Variants in LSAMP observed in about 807,000 individuals in gnomAD.
LSAMP encodes the protein limbic system-associated membrane protein.
In LSAMP, 7 loss-of-function variants were observed where a neutral mutation model predicts 38.6. The ratio of observed to expected loss-of-function variants is 0.18; its 90% CI spans 0.10 to 0.34. The LOEUF (loss-of-function observed/expected upper bound fraction) is 0.34. Ranked by LOEUF, LSAMP falls within the 10% of genes least tolerant of loss-of-function variation. The probability of loss-of-function intolerance (pLI) is 1.00; values close to 1 mark genes in which losing one functional copy is unlikely to be tolerated. For missense variants in LSAMP, 313 were observed against 420.0 expected (o/e 0.75, Z 2.23); for synonymous variants, 154 against 166.8 (o/e 0.92, Z 0.59).
chr3:116,263,265 C>A (rs1009700724), intron 1 of LSAMP, among the ~76,000 whole-genome samples: 2 of 152,124 alleles, frequency 1.3e-5, no homozygotes, highest in Non-Finnish European at 2.9e-5. Context: ...GGGCTGGGTG[C>A]GGTGGCTCAT....
intron 3 of LSAMP, among the ~76,000 whole-genome samples, chr3:115,854,311 C>G (rs1935437525): frequency 8.1e-6 from 1 of 124,110 alleles, no homozygotes; most frequent in Non-Finnish European, 1.6e-5. Context: ...GAGATGGAGT[C>G]CCGCTCTTTA....
chr3:115,833,683 T>C (rs906252870), intron 6 of LSAMP, among the ~76,000 whole-genome samples: 1 of 152,132 alleles, frequency 6.6e-6, no homozygotes, highest in Admixed American at 6.5e-5. Flanking sequence ...GCACATTGCC[T>C]TTATGGTGTG....
Position 115,842,048 on chromosome 3 carries a change from A to G in LSAMP, c.771-55T>C, listed in dbSNP as rs1935014477. 4.5e-6 allele frequency: 7 copies of G among 1,543,090 alleles called. No individual in the cohort carries two copies. In the South Asian group the frequency reaches 4.9e-5, roughly 11 times the overall value. On this transcript the variant is annotated intron_variant, in intron 5 of 6. Transcript: ENST00000490035. ...GGATCACTGGTGAAGATTTTAGCTT[A>G]GGAATTCTTTCCCCATCCTGACACT...
At chr3:115,991,336 A>G (rs1274895775) in intron 3 of LSAMP, among the ~76,000 whole-genome samples, 2 of 152,028 alleles carry the variant, frequency 1.3e-5, no homozygotes, top group Non-Finnish European at 1.5e-5. Context: ...AATCTTCAGT[A>G]TCCTCATCTG....
At chr3:116,208,993 C>T (rs58618641) in intron 1 of LSAMP, among the ~76,000 whole-genome samples, 30,989 of 152,190 alleles carry the variant, frequency 0.2, 3,260 homozygotes, top group Admixed American at 0.24. Flanking sequence ...GCGCCCCTCC[C>T]GGAGCCTCGC....
chr3:116,256,499 T>C (rs2046753285), intron 1 of LSAMP, among the ~76,000 whole-genome samples: 1 of 152,182 alleles, frequency 6.6e-6, no homozygotes, highest in South Asian at 2.1e-4. Flanking sequence ...AATTGAAGAA[T>C]TGGTTGAAAG....
intron 1 of LSAMP, among the ~76,000 whole-genome samples, chr3:116,098,924 T>A (rs928185089): frequency 6.6e-6 from 1 of 152,236 alleles, no homozygotes; most frequent in African/African-American, 2.4e-5. Flanking sequence ...AGAGCTCTTC[T>A]AATGAACTCA....
At chr3:116,121,798 G>C (rs1288475026) in intron 1 of LSAMP, among the ~76,000 whole-genome samples, 1 of 151,926 alleles carries the variant, frequency 6.6e-6, no homozygotes, top group African/African-American at 2.4e-5. Context: ...CCCGCACCCT[G>C]TAGGCCACAT....
intron 4 of LSAMP, among the ~76,000 whole-genome samples, chr3:115,846,108 A>G (rs1378329980): frequency 6.6e-6 from 1 of 152,216 alleles, no homozygotes; most frequent in Non-Finnish European, 1.5e-5. Context: ...AAGAAAGACT[A>G]TTACAAATCA....
intron 1 of LSAMP, among the ~76,000 whole-genome samples, chr3:116,150,021 T>C (rs1028789032): frequency 4.6e-5 from 7 of 152,066 alleles, no homozygotes; most frequent in Non-Finnish European, 1.5e-5. Context: ...AAATAACAAG[T>C]TCAATTATTA....
At chr3:115,893,541 C>G (rs190749006) in intron 3 of LSAMP, among the ~76,000 whole-genome samples, 136 of 151,986 alleles carry the variant, frequency 8.9e-4, no homozygotes, top group African/African-American at 3.1e-3. Context: ...TTATAAAAAT[C>G]AAAGGACCTT....
chr3:116,109,818 A>T lies in LSAMP; in HGVS notation c.156-23262T>A, dbSNP rs1708557835. ...CAAACCTAGAGAAAAGAGAGCATAG[A>T]GACACGGAGGGAAGGGGTTCGGGGG... On this transcript the variant is annotated intron_variant, in intron 1 of 6. Coordinates refer to ENST00000490035, the MANE Select transcript of LSAMP (RefSeq NM_002338.5). Among the ~76,000 whole-genome samples the T allele has an allele frequency of 2.0e-5, 3 of 151,050 alleles. No individual in the cohort carries two copies. The South Asian group carries it at 6.3e-4, about 32-fold the overall frequency.
chr3:116,367,825 T>A (rs1239076940), intron 1 of LSAMP: 3 of 151,988 alleles, frequency 2.0e-5, no homozygotes, highest in African/African-American at 7.2e-5. Context: ...TCTTCCTTTT[T>A]TTAAAAAAAC....
intron 1 of LSAMP, among the ~76,000 whole-genome samples, chr3:116,172,931 G>C (rs902982115): frequency 6.6e-6 from 1 of 151,872 alleles, no homozygotes; most frequent in Non-Finnish European, 1.5e-5. Flanking sequence ...CTGGGAAAGA[G>C]GATGGGAAAT....
intron 1 of LSAMP, among the ~76,000 whole-genome samples, chr3:116,353,779 G>A (rs912581046): frequency 6.6e-6 from 1 of 152,020 alleles, no homozygotes; most frequent in African/African-American, 2.4e-5. Context: ...AATTTCCACT[G>A]AAAGTTTACA....
intron 1 of LSAMP, among the ~76,000 whole-genome samples, chr3:116,238,485 A>G (rs934547210): frequency 6.6e-6 from 1 of 152,208 alleles, no homozygotes; most frequent in Non-Finnish European, 1.5e-5. Context: ...CGCATATGGG[A>G]CTATGACTAG....
At chr3:115,861,360 C>T (rs1935696122) in intron 3 of LSAMP, among the ~76,000 whole-genome samples, 1 of 151,988 alleles carries the variant, frequency 6.6e-6, no homozygotes, top group Admixed American at 6.6e-5. Flanking sequence ...TTTGATGAGC[C>T]TTCCTGTGAA....
intron 1 of LSAMP, among the ~76,000 whole-genome samples, chr3:116,398,989 G>C (rs2048806089): frequency 6.6e-6 from 1 of 152,174 alleles, no homozygotes; most frequent in Admixed American, 6.5e-5. Context: ...GAGTTAGGCA[G>C]GGGAAAGATT....
intron 1 of LSAMP, among the ~76,000 whole-genome samples, chr3:116,215,802 G>A (rs1013712277): frequency 3.3e-5 from 5 of 152,196 alleles, no homozygotes; most frequent in Admixed American, 1.3e-4. Context: ...GCGGGGATAA[G>A]GGAGTTGATT....
Sources: allele counts gnomAD v4.1 joint callset (sites outside exome capture counted in the v4.1 genomes callset), GRCh38; gene constraint gnomAD v4.1.1; transcripts MANE v1.5; gene names NCBI Gene and HGNC (gene_info 2026-07-23, HGNC 2026-07-21).